The following SEC62 variants were observed in gnomAD, a reference collection of about 807,000 sequenced individuals.
SEC62 encodes the protein SEC62 preprotein translocation factor.
A neutral mutation model predicts 47.5 loss-of-function variants in SEC62; 10 were observed. That is an observed-to-expected ratio of 0.21 (90% CI 0.13 to 0.36). The LOEUF (loss-of-function observed/expected upper bound fraction) is 0.36, where lower values mean the gene tolerates loss of function less well. Ranked by LOEUF, SEC62 falls within the 10% of genes least tolerant of loss-of-function variation. SEC62 has a pLI of 1.00. For synonymous variants in SEC62, 136 were observed against 150.5 expected (o/e 0.90, Z 0.71); for missense variants, 327 against 464.1 (o/e 0.70, Z 2.71).
At chr3:169,990,304 G>A (rs991764795) in intron 7 of SEC62, among the ~76,000 whole-genome samples, 5 of 151,384 alleles carry the variant, frequency 3.3e-5, no homozygotes, top group Non-Finnish European at 7.4e-5. Flanking sequence ...GAAATATTAT[G>A]TATTGGTCAC....
At chr3:169,977,207 T>C in intron 3 of SEC62, among the ~76,000 whole-genome samples, 156 bp downstream of exon 3, 1 of 151,576 alleles carries the variant, frequency 6.6e-6, no homozygotes, top group Non-Finnish European at 1.5e-5. Flanking sequence ...TGGAAATGTG[T>C]TTGGTATTAG....
In SEC62 at chr3:169,995,837, T is replaced by C. The variant is rs1715360777; in HGVS notation, c.*2774T>C. 6.6e-6 allele frequency: 1 copy of C among 152,158 alleles called. No individual in the cohort carries two copies. The highest frequency in any genetic ancestry group is 6.5e-5 in the Admixed American group (1 of 15,278). 9.4% of individuals were successfully genotyped at this position (152,158 alleles called of 1,614,324 possible). On this transcript the variant is annotated 3_prime_UTR_variant, in exon 8 of 8. Coordinates refer to ENST00000337002, the MANE Select transcript of SEC62 (RefSeq NM_003262.4). ...TCTGTTGTAAAGACACCTTATTTAA[T>C]ATAATCGATTCATTAACATTGAAGT...
chr3:169,971,093 C>A (rs1714688712), intron 1 of SEC62, among the ~76,000 whole-genome samples: 1 of 145,972 alleles, frequency 6.9e-6, no homozygotes. Flanking sequence ...TTTAAAGAGA[C>A]AAGGTCTCAC....
At chr3:169,987,085 C>T (rs1715127403) in intron 6 of SEC62, among the ~76,000 whole-genome samples, 1 of 151,590 alleles carries the variant, frequency 6.6e-6, no homozygotes, top group African/African-American at 2.4e-5. Flanking sequence ...AAATAGGTAG[C>T]AGTTAAAATA....
chr3:169,993,605 T>G lies in SEC62; in HGVS notation c.*542T>G, dbSNP rs992439578. ...TATTTTGTGGAAACAAGCCAACTAG[T>G]AACAATGCAGCAACACTTCTGGTTT... On this transcript the variant is annotated 3_prime_UTR_variant, in exon 8 of 8. Coordinates refer to ENST00000337002, the MANE Select transcript of SEC62 (RefSeq NM_003262.4). 1 of 152,900 alleles carries G rather than the reference T, an allele frequency of 6.5e-6. No individual in the cohort carries two copies. Among genetic ancestry groups the G allele is most frequent in the East Asian group, 1.9e-4 (1 of 5,188 alleles). The allele number at this position is 152,900 out of a possible 1,614,324, so 9.5% of individuals were successfully genotyped here.
chr3:169,967,918 A>G (rs1014420098), intron 1 of SEC62, among the ~76,000 whole-genome samples: 2 of 151,844 alleles, frequency 1.3e-5, no homozygotes, highest in African/African-American at 4.8e-5. Context: ...TTGGCGTACA[A>G]TACAGATGTT....
intron 5 of SEC62, 33 bp downstream of exon 5, chr3:169,983,286 T>C: frequency 6.8e-7 from 1 of 1,474,266 alleles, no homozygotes. Flanking sequence ...AAGTTCAGTT[T>C]TCTATAGGAG....
intron 3 of SEC62, among the ~76,000 whole-genome samples, chr3:169,980,586 T>C (rs542466837): frequency 2.0e-5 from 3 of 152,326 alleles, no homozygotes; most frequent in South Asian, 2.1e-4. Flanking sequence ...TTCTATTGCC[T>C]TCAGTATCTA....
At chr3:169,974,304 C>T (rs1329577233) in intron 1 of SEC62, among the ~76,000 whole-genome samples, 2 of 152,196 alleles carry the variant, frequency 1.3e-5, no homozygotes, top group Non-Finnish European at 2.9e-5. Flanking sequence ...TGTGCTTAAG[C>T]ATGCAATTAT....
Position 169,977,153 on chromosome 3 carries a change from C to G in SEC62, c.251+102C>G, listed in dbSNP as rs1255580942. 4 of 661,260 alleles carry G rather than the reference C, an allele frequency of 6.0e-6. No homozygotes were observed. In the African/African-American group the frequency reaches 7.3e-5, roughly 12 times the overall value. 41.0% of individuals were successfully genotyped at this position (661,260 alleles called of 1,614,324 possible). A position where few individuals can be genotyped will look rare whatever the true frequency, so the allele number is the denominator to read the frequency against. On this transcript the variant is annotated intron_variant, in intron 3 of 7. Coordinates refer to ENST00000337002, the MANE Select transcript of SEC62 (RefSeq NM_003262.4). ...TAAATGTAGTGATACTACAACATAA[C>G]TCAAATACTGTTTTCACATGTAACC...
At position 169,988,223 on chromosome 3, in the gene SEC62, G is replaced by T. The variant is rs1715154159; in HGVS notation, c.611-17G>T. ...GTTTTTATTCTAAAATTTAACTTTT[G>T]TCATTTCTTGTTCCAGTGATTGCAG... On this transcript the variant is annotated splice_polypyrimidine_tract_variant and intron_variant, in intron 6 of 7. Coordinates refer to ENST00000337002, the MANE Select transcript of SEC62 (RefSeq NM_003262.4). 1.2e-6 allele frequency: 2 copies of T among 1,612,624 alleles called. No individual in the cohort carries two copies. The highest frequency in any genetic ancestry group is 2.7e-5 in the African/African-American group (2 of 74,830).
At chr3:169,987,724 A>T (rs1417131344) in intron 6 of SEC62, among the ~76,000 whole-genome samples, 1 of 152,156 alleles carries the variant, frequency 6.6e-6, no homozygotes, top group Non-Finnish European at 1.5e-5. Context: ...AGACACTTGT[A>T]AACAGTTTCC....
At position 169,994,236 on chromosome 3, in the gene SEC62, A is replaced by G. The variant is rs748370015; in HGVS notation, c.*1173A>G. 6.6e-6 allele frequency: 1 copy of G among 152,616 alleles called. No homozygotes were observed. Among genetic ancestry groups the G allele is most frequent in the Admixed American group, 6.5e-5 (1 of 15,272 alleles). The allele number at this position is 152,616 out of a possible 1,614,324, so 9.5% of individuals were successfully genotyped here. A position where few individuals can be genotyped will look rare whatever the true frequency, so the allele number is the denominator to read the frequency against. Reference sequence around the variant, plus strand: ...GTTTTGCAGTTTGACTTTACGTCTTATACATCTTAGTTACAAGTCTTTGGA... The same window carrying G: ...GTTTTGCAGTTTGACTTTACGTCTTGTACATCTTAGTTACAAGTCTTTGGA... On this transcript the variant is annotated 3_prime_UTR_variant, in exon 8 of 8. Transcript: ENST00000337002.
At chr3:169,969,256 G>A (rs565750341) in intron 1 of SEC62, 1 of 452,266 alleles carries the variant, frequency 2.2e-6, no homozygotes, top group Non-Finnish European at 4.4e-6. Flanking sequence ...AAAAAAAAAA[G>A]TAGCTAATTT....
chr3:169,979,807 G>GT (rs979407979), intron 3 of SEC62, among the ~76,000 whole-genome samples: 1 of 152,102 alleles, frequency 6.6e-6, no homozygotes, highest in African/African-American at 2.4e-5. Flanking sequence ...ATATGTGTGA[G>GT]TTTTTTTAAA....
At chr3:169,977,686 G>T (rs1714870436) in intron 3 of SEC62, among the ~76,000 whole-genome samples, 1 of 151,858 alleles carries the variant, frequency 6.6e-6, no homozygotes, top group Non-Finnish European at 1.5e-5. Flanking sequence ...AAGTATGCTG[G>T]TTTTTCTTTC....
intron 5 of SEC62, among the ~76,000 whole-genome samples, chr3:169,984,919 G>T (rs1452878749): frequency 6.6e-6 from 1 of 152,176 alleles, no homozygotes; most frequent in Non-Finnish European, 1.5e-5. Flanking sequence ...AATTTCTGTT[G>T]TGTAAAATAA....
At chr3:169,987,108 A>G (rs1041054244) in intron 6 of SEC62, among the ~76,000 whole-genome samples, 1 of 152,078 alleles carries the variant, frequency 6.6e-6, no homozygotes, top group South Asian at 2.1e-4. Context: ...CTTGGTCAAT[A>G]TGGTATGATA....
At position 169,982,731 on chromosome 3, in the gene SEC62, C is replaced by T. The variant is rs1715006746; in HGVS notation, c.276C>T (p.His92=). The T allele has an allele frequency of 6.2e-7, 1 of 1,607,246 alleles. No individual in the cohort carries two copies. The highest frequency in any genetic ancestry group is 1.3e-5 in the African/African-American group (1 of 74,154). ...CNRLLKKQFF[H]RALKVMKMKY... is the part of the protein sequence containing the mutation. ...GGCTTTTAAAGAAGCAGTTTTTTCACCGAGCCCTAAAAGTAATGAAAATGA... is the reference window on the plus strand; with the variant it reads ...GGCTTTTAAAGAAGCAGTTTTTTCATCGAGCCCTAAAAGTAATGAAAATGA... The change falls in exon 4 of 8, where the codon CAC becomes CAT. Residue 92 remains histidine, a synonymous_variant. Coordinates refer to ENST00000337002, the MANE Select transcript of SEC62 (RefSeq NM_003262.4).
Sources: allele counts gnomAD v4.1 joint callset (sites outside exome capture counted in the v4.1 genomes callset), GRCh38; gene constraint gnomAD v4.1.1; transcripts MANE v1.5; gene names NCBI Gene and HGNC (gene_info 2026-07-23, HGNC 2026-07-21).